The following CDKN2B-AS1 variants were observed in gnomAD, a reference collection of about 807,000 sequenced individuals.
CDKN2B-AS1 encodes the protein CDKN2B antisense RNA 1 (non-protein coding).
chr9:22,103,276 A>G (rs1563983581), intron 4 of CDKN2B-AS1, among the ~76,000 whole-genome samples: 1 of 152,050 alleles, frequency 6.6e-6, no homozygotes, highest in Non-Finnish European at 1.5e-5. Context: ...CACCACTGAT[A>G]TATAGCTGGA....
At chr9:22,032,126 G>A (rs1822500987) in intron 1 of CDKN2B-AS1, among the ~76,000 whole-genome samples, 3 of 152,160 alleles carry the variant, frequency 2.0e-5, no homozygotes, top group African/African-American at 7.2e-5. Flanking sequence ...CAGAATTCAT[G>A]GGTGTTTTAA....
intron 4 of CDKN2B-AS1, among the ~76,000 whole-genome samples, chr9:22,117,049 A>C (rs1825969004): frequency 6.6e-6 from 1 of 152,252 alleles, no homozygotes; most frequent in South Asian, 2.1e-4. Context: ...ATGAACAAAA[A>C]GCTGTTATTT....
At chr9:22,086,364 G>T (rs1261076394) in intron 4 of CDKN2B-AS1, among the ~76,000 whole-genome samples, 3 of 152,144 alleles carry the variant, frequency 2.0e-5, no homozygotes, top group African/African-American at 7.2e-5. Context: ...TAAAACACAA[G>T]TAACTTGAGA....
intron 4 of CDKN2B-AS1, among the ~76,000 whole-genome samples, chr9:22,057,825 C>A (rs1040433121): frequency 6.6e-6 from 1 of 151,630 alleles, no homozygotes; most frequent in South Asian, 2.1e-4. Flanking sequence ...AAAAAGCAAC[C>A]CAGTGATAGG....
intron 1 of CDKN2B-AS1, among the ~76,000 whole-genome samples, chr9:22,023,766 C>T (rs1445709776): frequency 2.6e-5 from 4 of 152,096 alleles, no homozygotes; most frequent in African/African-American, 7.2e-5. Context: ...ATTTTTGTGG[C>T]CTGTTTTTAG....
chr9:22,015,758 A>G (rs1053083872), intron 1 of CDKN2B-AS1, among the ~76,000 whole-genome samples: 2 of 152,272 alleles, frequency 1.3e-5, no homozygotes, highest in Middle Eastern at 3.4e-3. Context: ...ATCTACCATT[A>G]GTTTCCTGAC....
chr9:22,086,127 TG>T (rs1374335703), intron 4 of CDKN2B-AS1, among the ~76,000 whole-genome samples: 2 of 152,140 alleles, frequency 1.3e-5, no homozygotes. Flanking sequence ...TATTTAAAAT[TG>T]GAATAAAAAT....
At position 22,043,386 on chromosome 9, in the gene CDKN2B-AS1, A is replaced by T. The variant is rs558432168; in HGVS notation, n.30-3365A>T. The stretch of plus-strand genomic sequence containing the variant: ...TTTCCACATTCGCTGCCTTTATAAG[A>T]TTTTTTTTTCTTCATCAAAATCTAT... On this transcript the variant is annotated intron_variant and non_coding_transcript_variant, in intron 1 of 4. Coordinates refer to ENST00000650946, the Ensembl canonical transcript of CDKN2B-AS1. 2.6e-5 allele frequency among the ~76,000 whole-genome samples: 4 copies of T among 151,574 alleles called. No individual in the cohort carries two copies. The East Asian group carries it at 7.8e-4, about 29-fold the overall frequency.
In CDKN2B-AS1 at chr9:22,039,695, C is replaced by T. The variant is rs1267747708; in HGVS notation, n.30-7056C>T. Among the ~76,000 whole-genome samples the T allele has an allele frequency of 2.0e-5, 3 of 151,968 alleles. No individual in the cohort carries two copies. Among genetic ancestry groups the T allele is most frequent in the Non-Finnish European group, 2.9e-5 (2 of 67,928 alleles). ...TGGCTGAGCAATTAGCTATGGCACA[C>T]TGCACGGTTTTTCTGACCTCTCAGC... On this transcript the variant is annotated intron_variant and non_coding_transcript_variant, in intron 1 of 4. Coordinates refer to ENST00000650946, the Ensembl canonical transcript of CDKN2B-AS1. This position sits in a 1 kb window ranked among gnomAD's most constrained non-coding sequence, Gnocchi z 4.4.
chr9:22,013,792 CT>C (rs1043431668), intron 1 of CDKN2B-AS1, among the ~76,000 whole-genome samples: 3 of 151,534 alleles, frequency 2.0e-5, no homozygotes, highest in Admixed American at 6.6e-5. Flanking sequence ...CTTTTGCCTT[CT>C]TTTTTTTTCT....
chr9:22,096,698 A>G (rs1029980476), intron 4 of CDKN2B-AS1, among the ~76,000 whole-genome samples: 4 of 152,122 alleles, frequency 2.6e-5, no homozygotes, highest in African/African-American at 2.4e-5. Flanking sequence ...GCCCTGTCCC[A>G]CTGGCATTCC....
chr9:22,036,322 A>T (rs1460091520), intron 1 of CDKN2B-AS1, among the ~76,000 whole-genome samples: 1 of 152,156 alleles, frequency 6.6e-6, no homozygotes, highest in Non-Finnish European at 1.5e-5. Flanking sequence ...GACCAATAGT[A>T]TAAGTCTTTA....
At chr9:22,052,828 A>G (rs1823409367) in intron 3 of CDKN2B-AS1, among the ~76,000 whole-genome samples, 1 of 152,078 alleles carries the variant, frequency 6.6e-6, no homozygotes, top group Admixed American at 6.5e-5. Flanking sequence ...TCCCCCTCCC[A>G]GGTTCTTGTA....
chr9:22,006,107 C>G lies in CDKN2B-AS1; in HGVS notation n.29+10946C>G, dbSNP rs1821169337. 6.2e-7 allele frequency: 1 copy of G among 1,609,712 alleles called. No homozygotes were observed. Among genetic ancestry groups the G allele is most frequent in the African/African-American group, 1.3e-5 (1 of 74,934 alleles). ...CGTCCAGCCGCGCCCCGGCCCGGTG[C>G]AGCACCACCAGCGTGTCCAGGAAGC... On this transcript the variant is annotated intron_variant and non_coding_transcript_variant, in intron 1 of 4. Coordinates refer to ENST00000650946, the Ensembl canonical transcript of CDKN2B-AS1. This position sits in a 1 kb window ranked among gnomAD's most constrained non-coding sequence, Gnocchi z 6.4.
chr9:22,124,385 C>A (rs1485285059), intron 4 of CDKN2B-AS1, among the ~76,000 whole-genome samples: 1 of 152,140 alleles, frequency 6.6e-6, no homozygotes, highest in East Asian at 1.9e-4. Flanking sequence ...TGGAGTGTCA[C>A]TGGAAAGTGA....
At chr9:22,022,474 C>A (rs1456991781) in intron 1 of CDKN2B-AS1, among the ~76,000 whole-genome samples, 4 of 151,470 alleles carry the variant, frequency 2.6e-5, no homozygotes, top group Non-Finnish European at 4.4e-5. Flanking sequence ...GGATTGGAAC[C>A]CTGCTTTTTT....
chr9:22,077,281 C>T (rs935306275), intron 4 of CDKN2B-AS1, among the ~76,000 whole-genome samples: 1 of 151,714 alleles, frequency 6.6e-6, no homozygotes, highest in African/African-American at 2.4e-5. Flanking sequence ...TTTTAACATA[C>T]AATGAATGTA....
chr9:22,077,018 T>C (rs935447471), intron 4 of CDKN2B-AS1, among the ~76,000 whole-genome samples: 1 of 152,194 alleles, frequency 6.6e-6, no homozygotes, highest in Non-Finnish European at 1.5e-5. Context: ...AGTTGGCAGG[T>C]TGGGCATTAG....
chr9:22,032,671 C>T (rs980144462), intron 1 of CDKN2B-AS1: 1 of 151,944 alleles, frequency 6.6e-6, no homozygotes, highest in East Asian at 2.0e-4. Flanking sequence ...TTTTCTTCCA[C>T]AGGCAATTTA....
Sources: allele counts gnomAD v4.1 joint callset (sites outside exome capture counted in the v4.1 genomes callset), GRCh38; gene constraint gnomAD v4.1.1; non-coding constraint Gnocchi (gnomAD v3.1); transcripts MANE v1.5; gene names NCBI Gene and HGNC (gene_info 2026-07-23, HGNC 2026-07-21).